Variants in LINGO2 observed in about 807,000 individuals in gnomAD.
LINGO2 encodes leucine rich repeat and Ig domain containing 2.
Under a neutral mutation model 30.6 loss-of-function variants are expected in LINGO2, and 14 were observed. That is an observed-to-expected ratio of 0.46 (90% CI 0.30 to 0.72). The LOEUF is 0.72. Among genes scored for constraint, LINGO2 ranks in the 30% least tolerant of loss-of-function variants. LINGO2 has a pLI of 0.07. For missense variants in LINGO2, 729 were observed against 751.7 expected (o/e 0.97, Z 0.35); for synonymous variants, 317 against 288.5 (o/e 1.10, Z -1.00).
chr9:28,338,414 G>A (rs1247720528), intron 3 of LINGO2, among the ~76,000 whole-genome samples: 1 of 152,126 alleles, frequency 6.6e-6, no homozygotes, highest in African/African-American at 2.4e-5. Flanking sequence ...GAGACTTTGG[G>A]TTTGGACTTT....
chr9:27,965,748 A>G (rs572258417), intron 5 of LINGO2, among the ~76,000 whole-genome samples: 5 of 152,090 alleles, frequency 3.3e-5, no homozygotes, highest in Admixed American at 6.6e-5. Context: ...TAGTATGCCT[A>G]TTCTACTTAA....
chr9:28,072,913 C>G (rs17770971), intron 4 of LINGO2, among the ~76,000 whole-genome samples: 4,133 of 152,116 alleles, frequency 0.027, 117 homozygotes, highest in Admixed American at 0.081. Context: ...GGTTTTCTCT[C>G]TGGCCCACTT....
At chr9:27,970,303 G>GT (rs1408213863) in intron 5 of LINGO2, among the ~76,000 whole-genome samples, 2 of 152,110 alleles carry the variant, frequency 1.3e-5, no homozygotes, top group Non-Finnish European at 2.9e-5. Flanking sequence ...TCATTGGCTG[G>GT]TTTTTCCCTT....
chr9:29,149,235 T>C, the LINGO2 span, among the ~76,000 whole-genome samples: 1 of 152,136 alleles, frequency 6.6e-6, no homozygotes, highest in Non-Finnish European at 1.5e-5. Context: ...CATTTTGGTT[T>C]AATAGTTCAT....
the LINGO2 span, among the ~76,000 whole-genome samples, chr9:28,782,095 C>A: frequency 7.9e-5 from 12 of 152,166 alleles, no homozygotes; most frequent in East Asian, 2.3e-3. Flanking sequence ...TACTCATACA[C>A]CATTACTTTG....
chr9:29,084,238 G>C, the LINGO2 span, among the ~76,000 whole-genome samples: 1 of 152,006 alleles, frequency 6.6e-6, no homozygotes, highest in African/African-American at 2.4e-5. Flanking sequence ...AAGTGATTAG[G>C]ATTTTAATCC....
intron 3 of LINGO2, among the ~76,000 whole-genome samples, chr9:28,334,360 C>G (rs1825520368): frequency 6.6e-6 from 1 of 152,030 alleles, no homozygotes; most frequent in South Asian, 2.1e-4. Context: ...CACTATTCAG[C>G]CAATTATTAT....
At chr9:28,950,414 G>T in the LINGO2 span, among the ~76,000 whole-genome samples, 2 of 152,118 alleles carry the variant, frequency 1.3e-5, no homozygotes, top group African/African-American at 4.8e-5. Context: ...GCAAGAGAAA[G>T]AAATGAAGGG....
the LINGO2 span, among the ~76,000 whole-genome samples, chr9:29,069,237 A>C: frequency 6.6e-6 from 1 of 152,118 alleles, no homozygotes; most frequent in South Asian, 2.1e-4. Context: ...ATTAGAAGTT[A>C]TAAGTTATAT....
chr9:28,891,375 T>C, the LINGO2 span, among the ~76,000 whole-genome samples: 1 of 151,986 alleles, frequency 6.6e-6, no homozygotes, highest in Admixed American at 6.6e-5. Context: ...ATTGTCATTA[T>C]TGAGGGTAAG....
chr9:28,534,262 T>A (rs13298214), intron 1 of LINGO2, among the ~76,000 whole-genome samples: 1 of 152,282 alleles, frequency 6.6e-6, no homozygotes, highest in South Asian at 2.1e-4. Flanking sequence ...GCTGAAGTGA[T>A]CCTTCCACCT....
the LINGO2 span, among the ~76,000 whole-genome samples, chr9:28,950,731 C>A: frequency 3.3e-5 from 5 of 152,010 alleles, no homozygotes; most frequent in Non-Finnish European, 5.9e-5. Flanking sequence ...AACCACTGCT[C>A]AAGGAAATAA....
At chr9:28,673,681 T>A (rs1262861421), upstream of LINGO2, among the ~76,000 whole-genome samples, 1 of 151,496 alleles carries the variant, frequency 6.6e-6, no homozygotes, top group Non-Finnish European at 1.5e-5. Flanking sequence ...ATCATCATCA[T>A]CATCATCATC....
intron 4 of LINGO2, among the ~76,000 whole-genome samples, chr9:28,042,326 C>G (rs979939415): frequency 6.6e-6 from 1 of 152,142 alleles, no homozygotes; most frequent in Non-Finnish European, 1.5e-5. Flanking sequence ...TTGCTCTACC[C>G]TGAGGAAATC....
the LINGO2 span, among the ~76,000 whole-genome samples, chr9:28,860,962 T>C: frequency 7.5e-6 from 1 of 133,016 alleles, no homozygotes; most frequent in Admixed American, 8.9e-5. Flanking sequence ...TAATATATTA[T>C]ATATCATTAA....
At chr9:28,705,303 A>G in the LINGO2 span, among the ~76,000 whole-genome samples, 2 of 152,162 alleles carry the variant, frequency 1.3e-5, 1 homozygote, top group South Asian at 4.2e-4. Flanking sequence ...TGGTGGTAAG[A>G]TGTTAGGGGA....
intron 2 of LINGO2, among the ~76,000 whole-genome samples, chr9:28,381,280 A>T (rs1009218898): frequency 2.0e-5 from 3 of 152,132 alleles, no homozygotes; most frequent in African/African-American, 7.2e-5. Context: ...ATGGTCAAAC[A>T]TGGTAGAAAT....
At chr9:29,058,529 G>A in the LINGO2 span, among the ~76,000 whole-genome samples, 2 of 151,398 alleles carry the variant, frequency 1.3e-5, no homozygotes, top group Admixed American at 1.3e-4. Context: ...GGGGTGAGGT[G>A]GTTAGAAAAA....
chr9:28,351,315 G>GAT (rs1401717172), intron 3 of LINGO2, among the ~76,000 whole-genome samples: 17 of 141,890 alleles, frequency 1.2e-4, no homozygotes, highest in African/African-American at 4.1e-4. Flanking sequence ...TGATAAAGGG[G>GAT]ATATCACCAC....
Sources: gnomAD v4.1 joint callset for allele counts (sites outside exome capture counted in the v4.1 genomes callset) on GRCh38, gnomAD v4.1.1 for gene constraint, MANE v1.5 for transcripts, NCBI Gene and HGNC (gene_info 2026-07-23, HGNC 2026-07-21) for gene names.